Variants in GULP1 observed in about 807,000 individuals in gnomAD.
GULP1 encodes the protein PTB domain-containing engulfment adapter protein 1.
Under a neutral mutation model 40.9 loss-of-function variants are expected in GULP1, and 19 were observed. That is an observed-to-expected ratio of 0.46 (90% CI 0.32 to 0.68). The LOEUF (loss-of-function observed/expected upper bound fraction) is 0.68. Among genes scored for constraint, GULP1 ranks in the 30% least tolerant of loss-of-function variants. The probability of loss-of-function intolerance (pLI) is 0.03; values close to 1 mark genes in which losing one functional copy is unlikely to be tolerated. For synonymous variants in GULP1, 119 were observed against 117.6 expected, an observed-to-expected ratio of 1.01 and a Z score of -0.08; for missense variants, 312 against 362.2, an observed-to-expected ratio of 0.86 and a Z score of 1.12.
chr2:188,328,357 G>A lies in GULP1; in HGVS notation c.-172+36191G>A, dbSNP rs898919409. On this transcript the variant is annotated intron_variant, in intron 1 of 11. Coordinates refer to ENST00000409830, the MANE Select transcript of GULP1 (RefSeq NM_016315.4). The stretch of plus-strand genomic sequence containing the variant: ...CAGGGATCATCAATAAATGAGATTC[G>A]TCTCTTAATGAAACTGGGAGTGGAT... 2.6e-5 allele frequency among the ~76,000 whole-genome samples: 4 copies of A among 152,060 alleles called. No individual in the cohort carries two copies. In the South Asian group the frequency reaches 6.2e-4, roughly 24 times the overall value.
intron 1 of GULP1, among the ~76,000 whole-genome samples, chr2:188,295,098 A>G (rs1374315524): frequency 6.6e-6 from 1 of 152,220 alleles, no homozygotes; most frequent in Non-Finnish European, 1.5e-5. Context: ...ATTTCAGTTT[A>G]TATTTATACA....
intron 5 of GULP1, among the ~76,000 whole-genome samples, chr2:188,523,498 C>T (rs535950364): frequency 2.0e-5 from 3 of 152,224 alleles, no homozygotes; most frequent in South Asian, 4.1e-4. Flanking sequence ...TTGAAATTTA[C>T]AAAACTCCTT....
chr2:188,325,081 G>A (rs12151502), intron 1 of GULP1, among the ~76,000 whole-genome samples: 14,042 of 151,878 alleles, frequency 0.092, 1,086 homozygotes, highest in African/African-American at 0.2. Flanking sequence ...ATTTACTGAA[G>A]TCAATCACAA....
At chr2:188,521,970 G>T (rs1054582139) in intron 4 of GULP1, among the ~76,000 whole-genome samples, 27 of 152,132 alleles carry the variant, frequency 1.8e-4, no homozygotes, top group African/African-American at 5.3e-4. Context: ...CAGCTACTCG[G>T]GAGGCTGAGG....
At chr2:188,550,137 A>T (rs1693078323) in intron 7 of GULP1, among the ~76,000 whole-genome samples, 1 of 151,736 alleles carries the variant, frequency 6.6e-6, no homozygotes, top group Admixed American at 6.6e-5. Flanking sequence ...CTCACAGCTG[A>T]GTGTAAATCT....
At chr2:188,359,115 G>A (rs2045754149) in intron 1 of GULP1, among the ~76,000 whole-genome samples, 1 of 152,004 alleles carries the variant, frequency 6.6e-6, no homozygotes. Context: ...TTTTAAGTTG[G>A]ATTTGGATAG....
chr2:188,576,698 C>G (rs1299630612), intron 9 of GULP1, among the ~76,000 whole-genome samples: 3 of 152,082 alleles, frequency 2.0e-5, no homozygotes, highest in Non-Finnish European at 4.4e-5. Context: ...CTGCATCACA[C>G]TGAAATTGTG....
chr2:188,392,171 A>G (rs1574956457), intron 2 of GULP1, among the ~76,000 whole-genome samples: 1 of 151,858 alleles, frequency 6.6e-6, no homozygotes, highest in East Asian at 1.9e-4. Context: ...TTTCACTAAG[A>G]TTGGTATCAA....
At chr2:188,519,082 C>A (rs1053468880) in intron 4 of GULP1, among the ~76,000 whole-genome samples, 1 of 151,974 alleles carries the variant, frequency 6.6e-6, no homozygotes, top group Non-Finnish European at 1.5e-5. Context: ...AAGGCATAAA[C>A]TTTTTTTAGT....
At chr2:188,558,079 T>A (rs1695268489) in intron 7 of GULP1, among the ~76,000 whole-genome samples, 1 of 152,194 alleles carries the variant, frequency 6.6e-6, no homozygotes, top group Non-Finnish European at 1.5e-5. Context: ...AGTGCTTGGC[T>A]CCTTTTCACT....
chr2:188,427,359 G>A (rs1011787007), intron 2 of GULP1, among the ~76,000 whole-genome samples: 6 of 152,198 alleles, frequency 3.9e-5, no homozygotes, highest in African/African-American at 1.4e-4. Context: ...TAACTAAAAT[G>A]AAGGCAAATG....
intron 4 of GULP1, among the ~76,000 whole-genome samples, chr2:188,514,437 G>A (rs1057454776): frequency 2.0e-5 from 3 of 151,910 alleles, no homozygotes; most frequent in Non-Finnish European, 4.4e-5. Context: ...TGTTAAGTGA[G>A]GACTTATTGT....
At chr2:188,410,675 A>C (rs2152709722) in intron 2 of GULP1, among the ~76,000 whole-genome samples, 1 of 152,286 alleles carries the variant, frequency 6.6e-6, no homozygotes, top group Middle Eastern at 3.4e-3. Flanking sequence ...GGAAGAGCCC[A>C]AAGTGGCTAT....
chr2:188,382,213 T>C (rs1315178574), intron 1 of GULP1, among the ~76,000 whole-genome samples: 1 of 152,124 alleles, frequency 6.6e-6, no homozygotes, highest in African/African-American at 2.4e-5. Context: ...GCCAACCAAA[T>C]AGGCTGAAAG....
chr2:188,320,872 T>C (rs1191190926), intron 1 of GULP1, among the ~76,000 whole-genome samples: 1 of 151,474 alleles, frequency 6.6e-6, no homozygotes, highest in East Asian at 1.9e-4. Context: ...TTTTCAGACA[T>C]GTTAATCTTT....
chr2:188,516,783 A>G (rs1252503963), intron 4 of GULP1, among the ~76,000 whole-genome samples: 1 of 152,192 alleles, frequency 6.6e-6, no homozygotes, highest in Non-Finnish European at 1.5e-5. Flanking sequence ...TTCGAAAAAC[A>G]CTATTCTAGA....
At chr2:188,371,936 A>G (rs572065126) in intron 1 of GULP1, among the ~76,000 whole-genome samples, 12 of 152,246 alleles carry the variant, frequency 7.9e-5, no homozygotes, top group African/African-American at 2.9e-4. Flanking sequence ...ATTATTATAT[A>G]CTACTGAACG....
At chr2:188,398,518 GAGAA>G (rs1374518306) in intron 2 of GULP1, among the ~76,000 whole-genome samples, 5 of 152,276 alleles carry the variant, frequency 3.3e-5, no homozygotes, top group South Asian at 2.1e-4. Flanking sequence ...GAGGTTTAAA[GAGAA>G]AGAGTTATGT....
At chr2:188,474,246 C>G (rs2060825601) in intron 2 of GULP1, among the ~76,000 whole-genome samples, 1 of 152,120 alleles carries the variant, frequency 6.6e-6, no homozygotes, top group Admixed American at 6.5e-5. Flanking sequence ...CAGCTTGTGT[C>G]TCAGTAGGTC....
Sources: allele counts gnomAD v4.1 joint callset (sites outside exome capture counted in the v4.1 genomes callset), GRCh38; gene constraint gnomAD v4.1.1; transcripts MANE v1.5; gene names NCBI Gene and HGNC (gene_info 2026-07-23, HGNC 2026-07-21).